Variants in ASCC1 observed in about 807,000 individuals in gnomAD.
ASCC1 encodes the protein activating signal cointegrator 1 complex subunit 1.
A neutral mutation model predicts 46.6 loss-of-function variants in ASCC1; 35 were observed. That is an observed-to-expected ratio of 0.75 (90% CI 0.57 to 0.99). The LOEUF (loss-of-function observed/expected upper bound fraction) is 0.99, where lower values mean the gene tolerates loss of function less well. Among genes scored for constraint, ASCC1 ranks in the 50% least tolerant of loss-of-function variants. The pLI, the probability that ASCC1 is intolerant of heterozygous loss-of-function variation, is 0.00. For missense variants in ASCC1, 376 were observed against 428.7 expected, an observed-to-expected ratio of 0.88 and a Z score of 1.09; for synonymous variants, 143 against 146.6, an observed-to-expected ratio of 0.98 and a Z score of 0.18.
intron 9 of ASCC1, among the ~76,000 whole-genome samples, chr10:72,105,911 TCAAA>T (rs1842292292): frequency 6.6e-6 from 1 of 152,064 alleles, no homozygotes; most frequent in Non-Finnish European, 1.5e-5. Flanking sequence ...ACTGGCAATC[TCAAA>T]CAGAGGTGGG....
chr10:72,212,848 AAATAAT>A (rs1858363303), intron 2 of ASCC1, among the ~76,000 whole-genome samples: 1 of 152,022 alleles, frequency 6.6e-6, no homozygotes, highest in African/African-American at 2.4e-5. Flanking sequence ...ACTCCATCTC[AAATAAT>A]AATAATATTA....
At chr10:72,173,685 T>G (rs1851515468) in intron 5 of ASCC1, among the ~76,000 whole-genome samples, 1 of 152,194 alleles carries the variant, frequency 6.6e-6, no homozygotes, top group East Asian at 1.9e-4. Flanking sequence ...TAAATTTAAT[T>G]TGGAACCAAA....
At chr10:72,140,086 T>A (rs1253549033) in intron 7 of ASCC1, among the ~76,000 whole-genome samples, 2 of 152,162 alleles carry the variant, frequency 1.3e-5, no homozygotes, top group African/African-American at 4.8e-5. Flanking sequence ...TTTTTTTACA[T>A]CAGTTAAATG....
intron 9 of ASCC1, among the ~76,000 whole-genome samples, chr10:72,123,284 A>G (rs1844437990): frequency 6.6e-6 from 1 of 151,170 alleles, no homozygotes; most frequent in African/African-American, 2.4e-5. Context: ...GCTTGCAGTG[A>G]GCCGGGATCG....
At chr10:72,139,194 A>G (rs964933917) in intron 7 of ASCC1, among the ~76,000 whole-genome samples, 5 of 149,808 alleles carry the variant, frequency 3.3e-5, no homozygotes. Flanking sequence ...GCTCATTGCA[A>G]CCTTCGCCTC....
intron 5 of ASCC1, among the ~76,000 whole-genome samples, chr10:72,177,184 A>C (rs1851963161): frequency 6.6e-6 from 1 of 152,154 alleles, no homozygotes. Context: ...CTCCACCGAA[A>C]TGGGACAATA....
chr10:72,191,742 G>A (rs1403592714), intron 5 of ASCC1, among the ~76,000 whole-genome samples: 1 of 151,902 alleles, frequency 6.6e-6, no homozygotes, highest in Non-Finnish European at 1.5e-5. Context: ...CGCCTCCCAG[G>A]TTCAAGCAAT....
intron 3 of ASCC1, 69 bp downstream of exon 3, chr10:72,210,663 C>CTTT: frequency 7.7e-7 from 1 of 1,299,590 alleles, no homozygotes; most frequent in South Asian, 1.2e-5. Context: ...TATGGAAGAC[C>CTTT]AAAGGGTCCA....
chr10:72,198,374 GAGGGAAGGGAAGGGA>G lies in ASCC1; in HGVS notation c.311-1400_311-1386del, dbSNP rs1162449741. On this transcript the variant is annotated intron_variant, in intron 4 of 9. Transcript: ENST00000672957. ...AGGGGAGGGGAGGGGAGGGGGAGGG[GAGGGAAGGGAAGGGA>G]AGGGAAGGGAAGGGAAGGAAGGAAA... 3.2e-5 allele frequency: 4 copies of G among 125,182 alleles called. No homozygotes were observed. The Admixed American group carries it at 3.4e-4, about 11-fold the overall frequency. The allele number at this position is 125,182 out of a possible 1,614,324, so 7.8% of individuals were successfully genotyped here.
intron 9 of ASCC1, among the ~76,000 whole-genome samples, chr10:72,122,352 G>A (rs995129688): frequency 2.6e-5 from 4 of 151,498 alleles, no homozygotes; most frequent in African/African-American, 7.3e-5. Flanking sequence ...CTGCAGGGGC[G>A]GAGGTTGCAG....
At chr10:72,134,859 A>G (rs1424892673) in intron 7 of ASCC1, among the ~76,000 whole-genome samples, 1 of 152,234 alleles carries the variant, frequency 6.6e-6, no homozygotes, top group Non-Finnish European at 1.5e-5. Context: ...ACACTCGAGA[A>G]AAGAAAAAAA....
intron 5 of ASCC1, among the ~76,000 whole-genome samples, chr10:72,163,871 G>T (rs758209865): frequency 2.0e-5 from 3 of 152,096 alleles, no homozygotes; most frequent in Non-Finnish European, 4.4e-5. Flanking sequence ...TATATTTAGT[G>T]TATTCAATGT....
upstream of ASCC1, chr10:72,216,346 G>C (rs918094331): frequency 5.8e-6 from 1 of 172,206 alleles, no homozygotes; most frequent in African/African-American, 2.4e-5. Flanking sequence ...CAGTGGGACA[G>C]CGCCGATGGC....
rs571811144 is a variant in ASCC1 at position 72,141,516 on chromosome 10, G to A, written c.747-8335C>T. On this transcript the variant is annotated intron_variant, in intron 7 of 9. Transcript: ENST00000672957. ...ATTCCATTGGATAAATTCCTACAGG[G>A]AAAATCAGCAAAGTCTAAGAAATAC... Among the ~76,000 whole-genome samples the A allele has an allele frequency of 7.9e-4, 121 of 152,210 alleles. 1 individual carries two copies. The Middle Eastern group carries it at 0.01, about 13-fold the overall frequency.
chr10:72,210,163 T>C (rs986131797), intron 3 of ASCC1, among the ~76,000 whole-genome samples: 3 of 151,162 alleles, frequency 2.0e-5, no homozygotes, highest in African/African-American at 7.3e-5. Context: ...CTTTTCTTTT[T>C]TTTTTTTTTT....
intron 9 of ASCC1, among the ~76,000 whole-genome samples, chr10:72,124,337 A>C (rs1036129358): frequency 6.6e-6 from 1 of 152,198 alleles, no homozygotes; most frequent in Non-Finnish European, 1.5e-5. Flanking sequence ...GCACTTTTAC[A>C]CTATCCTCTG....
At chr10:72,159,886 T>C (rs1849418209) in intron 6 of ASCC1, among the ~76,000 whole-genome samples, 2 of 151,900 alleles carry the variant, frequency 1.3e-5, no homozygotes, top group South Asian at 4.1e-4. Flanking sequence ...CCATAAAGTG[T>C]TTGTATTACA....
intron 9 of ASCC1, among the ~76,000 whole-genome samples, chr10:72,123,326 A>C (rs1844447086): frequency 6.6e-6 from 1 of 151,244 alleles, no homozygotes; most frequent in African/African-American, 2.4e-5. Flanking sequence ...GCGGCAGAGC[A>C]AGACTCCGTC....
At chr10:72,103,086 A>G (rs1841965275) in intron 9 of ASCC1, 1 of 353,718 alleles carries the variant, frequency 2.8e-6, no homozygotes, top group African/African-American at 2.3e-5. Context: ...TGTGCCAGGA[A>G]TTATCTTATT....
Sources: gnomAD v4.1 joint callset for allele counts (sites outside exome capture counted in the v4.1 genomes callset) on GRCh38, gnomAD v4.1.1 for gene constraint, MANE v1.5 for transcripts, NCBI Gene and HGNC (gene_info 2026-07-23, HGNC 2026-07-21) for gene names.